SP100: variants seen among roughly 807,000 people sequenced by gnomAD.
SP100 encodes SP100 nuclear body protein.
A neutral mutation model predicts 130.0 loss-of-function variants in SP100; 84 were observed. The ratio of observed to expected loss-of-function variants is 0.65; its 90% confidence interval spans 0.54 to 0.77. The LOEUF (loss-of-function observed/expected upper bound fraction) is 0.77, where lower values mean the gene tolerates loss of function less well. Among genes scored for constraint, SP100 ranks in the 30% least tolerant of loss-of-function variants. The pLI, the probability that SP100 is intolerant of heterozygous loss-of-function variation, is 0.00. For synonymous variants in SP100, 331 were observed against 351.7 expected (o/e 0.94, Z 0.66); for missense variants, 978 against 1,052.2 (o/e 0.93, Z 0.97).
intron 2 of SP100, among the ~76,000 whole-genome samples, chr2:230,441,518 G>A (rs147307213): frequency 7.8e-4 from 119 of 152,286 alleles, no homozygotes; most frequent in African/African-American, 2.7e-3. Flanking sequence ...TGAATAAGCA[G>A]ATTGTGGTAT....
chr2:230,540,850 T>G, intron 25 of SP100, 26 bp from the exon 26 acceptor site: 1 of 1,589,900 alleles, frequency 6.3e-7, no homozygotes, highest in East Asian at 2.3e-5. Flanking sequence ...AACCTGCCAT[T>G]GCTCACTTTA....
intron 24 of SP100, among the ~76,000 whole-genome samples, chr2:230,514,227 T>C (rs922693172): frequency 9.9e-5 from 15 of 152,216 alleles, no homozygotes; most frequent in African/African-American, 3.4e-4. Context: ...GTTGCTAGTC[T>C]TCAGACTTTC....
At chr2:230,516,235 T>C (rs1450380322) in intron 24 of SP100, 3 of 204,318 alleles carry the variant, frequency 1.5e-5, no homozygotes, top group Non-Finnish European at 2.6e-5. Context: ...GGTAAAATAA[T>C]CAGTGTTTCC....
At chr2:230,475,670 G>A (rs2065503934) in intron 17 of SP100, among the ~76,000 whole-genome samples, 1 of 152,102 alleles carries the variant, frequency 6.6e-6, no homozygotes, top group Admixed American at 6.6e-5. Flanking sequence ...ATAGTTTTAG[G>A]TCTTACATTT....
chr2:230,469,833 G>C (rs1360209392), intron 14 of SP100, 182 bp from the exon 15 acceptor site: 1 of 1,500,332 alleles, frequency 6.7e-7, no homozygotes, highest in Non-Finnish European at 8.9e-7. Flanking sequence ...GCCTCAGAGA[G>C]GGCTCCTGGA....
chr2:230,421,274 A>G (rs2062760115), intron 2 of SP100, among the ~76,000 whole-genome samples: 1 of 152,124 alleles, frequency 6.6e-6, no homozygotes. Flanking sequence ...TGGGTAATTT[A>G]TCAAGTCCAT....
intron 2 of SP100, among the ~76,000 whole-genome samples, chr2:230,439,073 T>C (rs1056394962): frequency 1.3e-5 from 2 of 152,212 alleles, no homozygotes; most frequent in Non-Finnish European, 2.9e-5. Context: ...TATCGCATTG[T>C]GGTTTTGATT....
intron 2 of SP100, among the ~76,000 whole-genome samples, chr2:230,435,909 A>G (rs1351693218): frequency 1.3e-5 from 2 of 152,236 alleles, no homozygotes; most frequent in Non-Finnish European, 2.9e-5. Context: ...TACACTATGA[A>G]ATACTATGCA....
intron 24 of SP100, among the ~76,000 whole-genome samples, chr2:230,519,489 A>T (rs1332435949): frequency 6.6e-6 from 1 of 152,178 alleles, no homozygotes; most frequent in Non-Finnish European, 1.5e-5. Context: ...AGAGAAGGAA[A>T]TGTGTGTATT....
At chr2:230,523,758 A>T (rs1691283346) in intron 24 of SP100, among the ~76,000 whole-genome samples, 1 of 151,796 alleles carries the variant, frequency 6.6e-6, no homozygotes, top group African/African-American at 2.4e-5. Flanking sequence ...AAAATTTAAA[A>T]ATTAGCTAGG....
chr2:230,497,876 C>T (rs2066784140), intron 18 of SP100, among the ~76,000 whole-genome samples: 1 of 152,092 alleles, frequency 6.6e-6, no homozygotes, highest in African/African-American at 2.4e-5. Flanking sequence ...TGGTCATTTT[C>T]ACTGTATTTT....
rs539280555 is a variant in SP100, at chr2:230,536,223, AT to A, written c.2095-3039del. On this transcript the variant is annotated intron_variant, in intron 24 of 28. Coordinates refer to ENST00000340126, the MANE Select transcript of SP100 (RefSeq NM_001080391.2). ...ACCTATAGTATTCAGTTAACTTTTG[AT>A]TTTTGGGTGGCTATGTGGGTCACCC... Among the ~76,000 whole-genome samples the A allele has an allele frequency of 4.5e-3, 685 of 152,164 alleles. 3 individuals are homozygous for A. Among genetic ancestry groups the A allele is most frequent in the African/African-American group, 0.016 (666 of 41,504 alleles).
At chr2:230,539,997 G>T (rs1396557917) in intron 25 of SP100, among the ~76,000 whole-genome samples, 1 of 152,180 alleles carries the variant, frequency 6.6e-6, no homozygotes, top group South Asian at 2.1e-4. Flanking sequence ...TGAGGGCAGA[G>T]CATTGCCCTT....
chr2:230,535,981 A>G (rs1691924071), intron 24 of SP100, among the ~76,000 whole-genome samples: 1 of 149,476 alleles, frequency 6.7e-6, no homozygotes, highest in African/African-American at 2.5e-5. Context: ...GGAACTGGTC[A>G]TTTTCCCAGG....
chr2:230,473,365 G>C lies in SP100; in HGVS notation c.1471G>C (p.Val491Leu), dbSNP rs961739856. 7 of 1,614,006 alleles carry C rather than the reference G, an allele frequency of 4.3e-6. No homozygotes were observed. The highest frequency in any genetic ancestry group is 5.9e-6 in the Non-Finnish European group (7 of 1,179,898). Residue 491 changes from valine (V) to leucine (L), a missense_variant, in exon 16 of 29, where the codon GTC (valine) becomes CTC (leucine). Physicochemically the swap from Val to Leu is conservative, Grantham distance 32 (BLOSUM62 1). Coordinates refer to ENST00000340126, the MANE Select transcript of SP100 (RefSeq NM_001080391.2). ...ACCTGAAAATAAGAAGTGCTCCTGTGTCATGTGTTTTCCAAAAGGTGTGCC... is the reference window on the plus strand; with the variant it reads ...ACCTGAAAATAAGAAGTGCTCCTGTCTCATGTGTTTTCCAAAAGGTGTGCC... The part of the protein sequence containing the change: ...QEPENKKCSC[V>L]MCFPKGVPRS...
rs900325661 is a variant in SP100, at chr2:230,502,751, G to T, written c.1721-315G>T. Among the ~76,000 whole-genome samples the T allele has an allele frequency of 5.9e-5, 9 of 152,272 alleles. 1 individual carries two copies. Among genetic ancestry groups the T allele is most frequent in the Admixed American group, 6.5e-5 (1 of 15,282 alleles). On this transcript the variant is annotated intron_variant, in intron 19 of 28. Coordinates refer to ENST00000340126, the MANE Select transcript of SP100 (RefSeq NM_001080391.2). ...TGGCTGTAACCGAGTCTAGATCAGAGGTCAGCAAAGTATGACCTACAGGGC... is the reference window on the plus strand; with the variant it reads ...TGGCTGTAACCGAGTCTAGATCAGATGTCAGCAAAGTATGACCTACAGGGC...
chr2:230,499,320 C>T (rs1375611980), intron 19 of SP100, among the ~76,000 whole-genome samples: 1 of 150,384 alleles, frequency 6.6e-6, no homozygotes, highest in African/African-American at 2.5e-5. Context: ...GAGAAAGGTG[C>T]ATGAAGGAGG....
At chr2:230,446,023 T>C (rs1451921825) in intron 4 of SP100, among the ~76,000 whole-genome samples, 1 of 152,188 alleles carries the variant, frequency 6.6e-6, no homozygotes, top group East Asian at 1.9e-4. Context: ...ATTTGAGAAC[T>C]GTTCATCCTC....
intron 5 of SP100, among the ~76,000 whole-genome samples, chr2:230,448,297 GACA>G (rs1275678544): frequency 5.3e-5 from 8 of 152,106 alleles, no homozygotes; most frequent in African/African-American, 7.2e-5. Context: ...AGGGGTAAAA[GACA>G]ACAAAAATAA....
Sources: gnomAD v4.1 joint callset for allele counts (sites outside exome capture counted in the v4.1 genomes callset) on GRCh38, gnomAD v4.1.1 for gene constraint, MANE v1.5 for transcripts, NCBI Gene and HGNC (gene_info 2026-07-23, HGNC 2026-07-21) for gene names.